ERCC2: variants seen among roughly 807,000 people sequenced by gnomAD.
The protein encoded by ERCC2 is ERCC excision repair 2, TFIIH core complex helicase subunit, also known as general transcription and DNA repair factor IIH helicase subunit XPD.
In ERCC2, 90 loss-of-function variants were observed where a neutral mutation model predicts 99.4. The ratio of observed to expected loss-of-function variants is 0.91; its 90% CI spans 0.76 to 1.08. The LOEUF is 1.08. ERCC2 is among the 50% of genes least tolerant of loss of function. The probability of loss-of-function intolerance (pLI) is 0.00; values close to 1 mark genes in which losing one functional copy is unlikely to be tolerated. For synonymous variants in ERCC2, 497 were observed against 432.4 expected, an observed-to-expected ratio of 1.15 and a Z score of -1.85; for missense variants, 993 against 1,038.1, an observed-to-expected ratio of 0.96 and a Z score of 0.60.
rs3916802 is a variant in ERCC2, at chr19:45,367,606, C to A, written c.360+1024G>T. 2.2e-3 allele frequency among the ~76,000 whole-genome samples: 329 copies of A among 151,764 alleles called. 2 individuals carry two copies. Among genetic ancestry groups the A allele is most frequent in the African/African-American group, 7.6e-3 (315 of 41,394 alleles). On this transcript the variant is annotated intron_variant, in intron 5 of 22. Coordinates refer to ENST00000391945, the MANE Select transcript of ERCC2 (RefSeq NM_000400.4). ...GATCTCGGCTCACTGCAACCTCCCCCTCGGGAGTTCGAGCAATTCTCCTGT... is the reference window on the plus strand; with the variant it reads ...GATCTCGGCTCACTGCAACCTCCCCATCGGGAGTTCGAGCAATTCTCCTGT...
intron 15 of ERCC2, among the ~76,000 whole-genome samples, chr19:45,356,097 G>A (rs1005474068): frequency 4.6e-5 from 7 of 152,114 alleles, no homozygotes; most frequent in African/African-American, 1.2e-4. Context: ...AGATGGAACC[G>A]GACCCGAGTC....
chr19:45,359,146 C>G (rs1972120612), intron 12 of ERCC2, among the ~76,000 whole-genome samples: 2 of 151,714 alleles, frequency 1.3e-5, no homozygotes, highest in Admixed American at 1.3e-4. Flanking sequence ...GCCTGGGGGT[C>G]AGGGAGGGCT....
intron 5 of ERCC2, among the ~76,000 whole-genome samples, chr19:45,366,344 G>A (rs2123302036): frequency 6.6e-6 from 1 of 152,102 alleles, no homozygotes; most frequent in East Asian, 1.9e-4. Context: ...GTTTCTCCAT[G>A]TTGATCAAGC....
At chr19:45,363,701 G>C (rs1225439629) in intron 11 of ERCC2, 42 bp downstream of exon 11, 2 of 1,517,000 alleles carry the variant, frequency 1.3e-6, no homozygotes, top group East Asian at 4.9e-5. Flanking sequence ...GCATAACCGG[G>C]ACCTGCCGGG....
intron 11 of ERCC2, among the ~76,000 whole-genome samples, chr19:45,362,955 A>C (rs191141002): frequency 6.6e-6 from 1 of 152,124 alleles, no homozygotes; most frequent in Non-Finnish European, 1.5e-5. Flanking sequence ...TGGGGGTGCA[A>C]CTGAGGTAAG....
At chr19:45,370,272 G>A in intron 1 of ERCC2, 40 bp from the exon 2 acceptor site, 1 of 1,607,404 alleles carries the variant, frequency 6.2e-7, no homozygotes, top group Non-Finnish European at 8.5e-7. Context: ...CGTCCCCTCA[G>A]CCCCTCTCCC....
rs774408586 is a variant in ERCC2, at chr19:45,350,446, C to CCTGT, written c.*1179_*1182dup. The CCTGT allele has an allele frequency of 1.2e-6, 2 of 1,613,320 alleles. No individual in the cohort carries two copies. The highest frequency in any genetic ancestry group is 2.7e-5 in the African/African-American group (2 of 74,834). On this transcript the variant is annotated 3_prime_UTR_variant, in exon 23 of 23. Coordinates refer to ENST00000391945, the MANE Select transcript of ERCC2 (RefSeq NM_000400.4). ...CGCCCCTCTCGGTGAGCCCCTAGCC[C>CCTGT]CTGTCTGTCTTCCCTCCTGGTGGCT...
intron 5 of ERCC2, among the ~76,000 whole-genome samples, chr19:45,366,215 TCAC>T (rs1972421233): frequency 6.6e-6 from 1 of 151,502 alleles, no homozygotes; most frequent in African/African-American, 2.4e-5. Flanking sequence ...CGATCTTGGC[TCAC>T]CACAACCTCC....
intron 2 of ERCC2, among the ~76,000 whole-genome samples, chr19:45,369,572 A>T (rs567802252): frequency 6.6e-6 from 1 of 152,266 alleles, no homozygotes; most frequent in Non-Finnish European, 1.5e-5. Flanking sequence ...ATAAATAAAT[A>T]AAATAAAATG....
rs776498111 is a variant in ERCC2, at chr19:45,364,138, G to C, written c.816-19C>G. ...TTTGATCCTGCGGAGAGATGAGCTG[G>C]GGCTGGGAGGGGGCTGGCAACCCTG... On this transcript the variant is annotated intron_variant, in intron 9 of 22. Coordinates refer to ENST00000391945, the MANE Select transcript of ERCC2 (RefSeq NM_000400.4). The C allele has an allele frequency of 2.5e-6, 4 of 1,611,588 alleles. No individual in the cohort carries two copies. Among genetic ancestry groups the C allele is most frequent in the Admixed American group, 1.7e-5 (1 of 59,902 alleles).
rs1972361445 is a variant in ERCC2, at chr19:45,364,677, A to C, written c.595-130T>G. On this transcript the variant is annotated intron_variant, in intron 7 of 22. Coordinates refer to ENST00000391945, the MANE Select transcript of ERCC2 (RefSeq NM_000400.4). ...ACACAGGCCAGGCAGAAGTATGAGC[A>C]GATGGATAGAGACAGACCAACAGAT... 3.5e-6 allele frequency: 5 copies of C among 1,414,680 alleles called. No homozygotes were observed. In the South Asian group the frequency reaches 4.8e-5, roughly 14 times the overall value. 87.6% of individuals were successfully genotyped at this position (1,414,680 alleles called of 1,614,324 possible).
chr19:45,368,826 C>T, intron 4 of ERCC2, 83 bp from the exon 5 acceptor site: 2 of 1,564,162 alleles, frequency 1.3e-6, no homozygotes, highest in African/African-American at 1.4e-5. Context: ...GTCTCTTCCC[C>T]AGCTTCCCAA....
chr19:45,353,203 C>T, intron 18 of ERCC2, 39 bp downstream of exon 18: 1 of 1,612,950 alleles, frequency 6.2e-7, no homozygotes, highest in Non-Finnish European at 8.5e-7. Flanking sequence ...CTCAGAGCCA[C>T]CTCCCCGACC....
chr19:45,364,779 C>T (rs537106750), intron 7 of ERCC2, 59 bp downstream of exon 7: 7 of 1,383,272 alleles, frequency 5.1e-6, no homozygotes, highest in Admixed American at 3.4e-5. Flanking sequence ...AGACAGGAGA[C>T]GGGCGGGCAG....
In ERCC2 at chr19:45,350,136, GT is replaced by G. The variant is rs2123201142; in HGVS notation, c.*1492del. 1 of 582,144 alleles carries G rather than the reference GT, an allele frequency of 1.7e-6. No homozygotes were observed. The highest frequency in any genetic ancestry group is 1.9e-5 in the African/African-American group (1 of 53,616). The allele number at this position is 582,144 out of a possible 1,614,324, so 36.1% of individuals were successfully genotyped here. A position where few individuals can be genotyped will look rare whatever the true frequency, so the allele number is the denominator to read the frequency against. Reference sequence around the variant, plus strand: ...TACGGCCAGGTCAGCACATTAGAAAGTGGGGCCAGACGTGGTGGTTCACGCT... The same window carrying G: ...TACGGCCAGGTCAGCACATTAGAAAGGGGGCCAGACGTGGTGGTTCACGCT... On this transcript the variant is annotated 3_prime_UTR_variant, in exon 23 of 23. Transcript: ENST00000391945.
chr19:45,364,901 C>T lies in ERCC2; in HGVS notation c.531G>A (p.Leu177=). 2 of 1,614,152 alleles carry T rather than the reference C, an allele frequency of 1.2e-6. No homozygotes were observed. The highest frequency in any genetic ancestry group is 1.1e-5 in the South Asian group (1 of 91,076). ...GCCGCCCCAGGGCCTTCAGGTCATC[C>T]AGGTTGTAGATGCCAGCGGGGAGGG... is the stretch of plus-strand genomic sequence containing the variant. ...EVPLPAGIYN[L]DDLKALGRRQ... is the part of the protein sequence containing the mutation. Residue 177 remains leucine (L), a synonymous_variant, in exon 7 of 23, where the codon CTG becomes CTA. Transcript: ENST00000391945.
intron 9 of ERCC2, 41 bp downstream of exon 9, chr19:45,364,194 G>A: frequency 1.2e-6 from 2 of 1,611,772 alleles, no homozygotes; most frequent in Non-Finnish European, 1.7e-6. Flanking sequence ...CAGGGTCCCA[G>A]GGGCAGGGCG....
Position 45,352,491 on chromosome 19 carries a change from C to G in ERCC2, c.2046+15G>C. 3.1e-6 allele frequency: 5 copies of G among 1,614,138 alleles called. No homozygotes were observed. The highest frequency in any genetic ancestry group is 4.2e-6 in the Non-Finnish European group (5 of 1,180,032). On this transcript the variant is annotated intron_variant, in intron 21 of 22. Coordinates refer to ENST00000391945, the MANE Select transcript of ERCC2 (RefSeq NM_000400.4). ...AGCCTGGGATGGGAGCACAGGGGCA[C>G]CCCTGAAGCTGCACCTTGTCGGCAA... is the stretch of plus-strand genomic sequence containing the variant.
At chr19:45,361,855 G>A (rs1972234956) in intron 11 of ERCC2, 2 of 582,408 alleles carry the variant, frequency 3.4e-6, no homozygotes, top group East Asian at 3.2e-5. Flanking sequence ...CACAGACAGA[G>A]CAATAATCAG....
Sources: allele counts gnomAD v4.1 joint callset (sites outside exome capture counted in the v4.1 genomes callset), GRCh38; gene constraint gnomAD v4.1.1; transcripts MANE v1.5; gene names NCBI Gene and HGNC (gene_info 2026-07-23, HGNC 2026-07-21).